SLC39A10: variants seen among roughly 807,000 people sequenced by gnomAD.
SLC39A10 encodes the protein zinc transporter ZIP10.
Under a neutral mutation model 65.1 loss-of-function variants are expected in SLC39A10, and 13 were observed. The observed-to-expected ratio is 0.20, with a 90% confidence interval of 0.13 to 0.32. The LOEUF is 0.32. Among genes scored for constraint, SLC39A10 ranks in the 10% least tolerant of loss-of-function variants. The pLI is 1.00. For missense variants in SLC39A10, 831 were observed against 1,018.4 expected (o/e 0.82, Z 2.50); for synonymous variants, 321 against 342.2 (o/e 0.94, Z 0.68).
intron 2 of SLC39A10, among the ~76,000 whole-genome samples, chr2:195,635,053 A>AAAAAC (rs1245732377): frequency 2.0e-5 from 3 of 152,108 alleles, no homozygotes; most frequent in Non-Finnish European, 4.4e-5. Context: ...TGTCTCCAAA[A>AAAAAC]AAAACAAAAC....
At chr2:195,643,282 A>C (rs533307036) in intron 2 of SLC39A10, among the ~76,000 whole-genome samples, 3 of 152,204 alleles carry the variant, frequency 2.0e-5, no homozygotes, top group Admixed American at 6.5e-5. Context: ...GAGTTGAACA[A>C]GTGGGTCAAA....
intron 2 of SLC39A10, among the ~76,000 whole-genome samples, chr2:195,646,049 C>T (rs1016782066): frequency 3.3e-5 from 5 of 152,086 alleles, no homozygotes; most frequent in Non-Finnish European, 5.9e-5. Flanking sequence ...CAGGCTCAAG[C>T]GATCTTCCCA....
intron 2 of SLC39A10, among the ~76,000 whole-genome samples, chr2:195,639,581 T>C (rs1371705526): frequency 6.6e-6 from 1 of 152,184 alleles, no homozygotes; most frequent in Non-Finnish European, 1.5e-5. Context: ...AATTCTTATA[T>C]TTATTTTATT....
chr2:195,685,530 G>A (rs1690492340), intron 3 of SLC39A10, among the ~76,000 whole-genome samples: 1 of 152,016 alleles, frequency 6.6e-6, no homozygotes, highest in Non-Finnish European at 1.5e-5. Flanking sequence ...TCTTTTCTCA[G>A]TTCTAACCAT....
chr2:195,692,912 C>T (rs143588226), intron 3 of SLC39A10, among the ~76,000 whole-genome samples: 21 of 152,164 alleles, frequency 1.4e-4, no homozygotes, highest in African/African-American at 4.8e-4. Context: ...TTCCGGTTCT[C>T]AGGGAATGCT....
chr2:195,688,766 AT>A, intron 3 of SLC39A10, among the ~76,000 whole-genome samples: 1 of 152,198 alleles, frequency 6.6e-6, no homozygotes. Flanking sequence ...TGTGTGTTAC[AT>A]GCAAAATAAA....
chr2:195,633,838 T>C (rs562952068), intron 2 of SLC39A10, among the ~76,000 whole-genome samples: 208 of 152,074 alleles, frequency 1.4e-3, no homozygotes, highest in African/African-American at 4.5e-3. Flanking sequence ...GGGGTCTTTA[T>C]AGACACAGGG....
At position 195,716,803 on chromosome 2, in the gene SLC39A10, C is replaced by A. The variant is rs777335755; in HGVS notation, c.1863C>A (p.Leu621=). The A allele has an allele frequency of 7.4e-6, 12 of 1,614,002 alleles. No homozygotes were observed. The highest frequency in any genetic ancestry group is 1.0e-5 in the Non-Finnish European group (12 of 1,179,972). ...TACATACCATTCATGAGCATGATCT[C>A]CATGCTGCTGCACATAACCACCACG... ...DGLHTIHEHD[L]HAAAHNHHGE... The change falls in exon 7 of 10, where the codon CTC becomes CTA. Residue 621 remains leucine (L), a synonymous_variant. Transcript: ENST00000359634.
In SLC39A10 at chr2:195,691,989, G is replaced by A. The variant is rs189252842; in HGVS notation, c.1216+8083G>A. 4.1e-3 allele frequency among the ~76,000 whole-genome samples: 627 copies of A among 152,114 alleles called. 6 individuals are homozygous for A. The highest frequency in any genetic ancestry group is 6.7e-3 in the Non-Finnish European group (453 of 67,876). ...TCCAATGTTCTGGTTTCAAGTCTTA[G>A]ATTTAAGTCTTTGCTCCACCTTGAG... On this transcript the variant is annotated intron_variant, in intron 3 of 9. Coordinates refer to ENST00000359634, the MANE Select transcript of SLC39A10 (RefSeq NM_020342.3).
chr2:195,626,027 G>A (rs948688464), intron 2 of SLC39A10, among the ~76,000 whole-genome samples: 3 of 152,154 alleles, frequency 2.0e-5, no homozygotes, highest in African/African-American at 7.2e-5. Context: ...TAAATGATCT[G>A]CCCTCCTTGG....
At chr2:195,709,864 C>T (rs944741024) in intron 5 of SLC39A10, among the ~76,000 whole-genome samples, 3 of 152,064 alleles carry the variant, frequency 2.0e-5, no homozygotes, top group Non-Finnish European at 2.9e-5. Context: ...AAGTTTCATC[C>T]GTCTTCTTAG....
intron 3 of SLC39A10, among the ~76,000 whole-genome samples, chr2:195,694,918 A>C (rs1690884370): frequency 1.3e-5 from 2 of 152,090 alleles, no homozygotes; most frequent in Non-Finnish European, 2.9e-5. Context: ...ATGGGGTCTG[A>C]AGGGTGAGCA....
chr2:195,677,454 T>C (rs1357960796), intron 1 of SLC39A10, among the ~76,000 whole-genome samples: 1 of 152,152 alleles, frequency 6.6e-6, no homozygotes, highest in African/African-American at 2.4e-5. Context: ...AGATCTCTTG[T>C]GCCTGGAAGT....
intron 2 of SLC39A10, among the ~76,000 whole-genome samples, chr2:195,683,422 A>T (rs1248130744): frequency 1.3e-5 from 2 of 151,996 alleles, no homozygotes; most frequent in African/African-American, 4.8e-5. Context: ...AGTCTTGGGG[A>T]TATAGTTGTG....
chr2:195,716,023 T>C (rs1371575765), intron 6 of SLC39A10, among the ~76,000 whole-genome samples: 1 of 152,024 alleles, frequency 6.6e-6, no homozygotes, highest in Non-Finnish European at 1.5e-5. Flanking sequence ...TGAAAACAAG[T>C]GTCAGAGTAT....
intron 3 of SLC39A10, among the ~76,000 whole-genome samples, chr2:195,701,642 C>T (rs951803688): frequency 6.6e-6 from 1 of 150,498 alleles, no homozygotes; most frequent in African/African-American, 2.4e-5. Flanking sequence ...TTGTTTTATG[C>T]TGTCTCTGTG....
chr2:195,646,876 C>T (rs1011568969), intron 2 of SLC39A10, among the ~76,000 whole-genome samples: 1 of 152,152 alleles, frequency 6.6e-6, no homozygotes, highest in African/African-American at 2.4e-5. Flanking sequence ...GCAGTTTCAT[C>T]CCGAAGCCAT....
At chr2:195,722,122 C>T (rs139700151) in intron 8 of SLC39A10, among the ~76,000 whole-genome samples, 78 of 152,242 alleles carry the variant, frequency 5.1e-4, no homozygotes, top group Non-Finnish European at 1.0e-3. Flanking sequence ...GACCAGGAAC[C>T]CCTAGTGAGA....
At chr2:195,649,084 C>G (rs1411976708) in intron 2 of SLC39A10, among the ~76,000 whole-genome samples, 1 of 152,056 alleles carries the variant, frequency 6.6e-6, no homozygotes, top group Non-Finnish European at 1.5e-5. Context: ...CTGCCAGAAG[C>G]ATTTCTCATG....
Sources: gnomAD v4.1 joint callset for allele counts (sites outside exome capture counted in the v4.1 genomes callset) on GRCh38, gnomAD v4.1.1 for gene constraint, MANE v1.5 for transcripts, NCBI Gene and HGNC (gene_info 2026-07-23, HGNC 2026-07-21) for gene names.